The following FNDC1 variants were observed in gnomAD, a reference collection of about 807,000 sequenced individuals.
FNDC1 encodes fibronectin type III domain containing 1, also known as fibronectin type III domain-containing protein 1.
A neutral mutation model predicts 168.0 loss-of-function variants in FNDC1; 96 were observed. The observed-to-expected ratio is 0.57, with a 90% CI of 0.48 to 0.68. The LOEUF (loss-of-function observed/expected upper bound fraction) is 0.68, where lower values mean the gene tolerates loss of function less well. FNDC1 is among the 30% of genes least tolerant of loss of function. The probability of loss-of-function intolerance (pLI) is 0.00; values close to 1 mark genes in which losing one functional copy is unlikely to be tolerated. For missense variants in FNDC1, 2,587 were observed against 2,482.1 expected (o/e 1.04, Z -0.90); for synonymous variants, 1,099 against 1,025.9 (o/e 1.07, Z -1.36).
Position 159,232,182 on chromosome 6 carries a change from C to G in FNDC1, c.1670C>G (p.Ser557Ter), listed in dbSNP as rs1279812989. Residue 557 changes from serine to a stop codon, truncating the protein, a stop_gained, in exon 11 of 23, where the codon TCA becomes TGA. Transcript: ENST00000297267. LOFTEE classifies it high-confidence loss of function. The surrounding 1 kb of genome is among the most constrained non-coding windows in gnomAD (Gnocchi z 4.9). ...CGGGAGGACTCGCCCATGTCACCCT[C>G]AGACACCCAAGACCAGAAACGGACC... ...GSREDSPMSP[S>*]DTQDQKRTLR... is the part of the protein sequence containing the mutation. 3.1e-6 allele frequency: 5 copies of G among 1,613,698 alleles called. No individual in the cohort carries two copies. Among genetic ancestry groups the G allele is most frequent in the Non-Finnish European group, 4.2e-6 (5 of 1,179,854 alleles).
At position 159,256,632 on chromosome 6, in the gene FNDC1, G is replaced by A; in HGVS notation, c.5174+1G>A. ...TTGAGAACCTAAAGCCCAACACGAGGTACGATGTGTCAGTCATTTAGAAAA... is the reference window on the plus strand; with the variant it reads ...TTGAGAACCTAAAGCCCAACACGAGATACGATGTGTCAGTCATTTAGAAAA... On this transcript the variant is annotated splice_donor_variant, in intron 18 of 22. Coordinates refer to ENST00000297267, the MANE Select transcript of FNDC1 (RefSeq NM_032532.3). LOFTEE classifies it high-confidence loss of function. The A allele has an allele frequency of 6.2e-7, 1 of 1,601,362 alleles. No individual in the cohort carries two copies. Among genetic ancestry groups the A allele is most frequent in the Non-Finnish European group, 8.6e-7 (1 of 1,168,650 alleles).
rs147749166 is a variant in FNDC1, at chr6:159,184,318, T to C, written c.110-13113T>C. 2.6e-5 allele frequency among the ~76,000 whole-genome samples: 4 copies of C among 152,352 alleles called. 1 individual carries two copies. The highest frequency in any genetic ancestry group is 9.6e-5 in the African/African-American group (4 of 41,580). The stretch of plus-strand genomic sequence containing the variant: ...CACTAAGTAGGTGGTCAGCAAATGT[T>C]CCTTTCCTTTCTTTTTTACTTCCTT... On this transcript the variant is annotated intron_variant, in intron 1 of 22. Transcript: ENST00000297267.
intron 1 of FNDC1, among the ~76,000 whole-genome samples, chr6:159,172,829 T>C (rs913963153): frequency 1.3e-5 from 2 of 152,260 alleles, no homozygotes; most frequent in Non-Finnish European, 2.9e-5. Context: ...GTTGTCCAGC[T>C]ACACATCTGT....
intron 1 of FNDC1, among the ~76,000 whole-genome samples, chr6:159,189,549 T>C (rs1344139147): frequency 6.6e-6 from 1 of 152,180 alleles, no homozygotes; most frequent in Non-Finnish European, 1.5e-5. Context: ...AGCAGGACGC[T>C]TTGGATTCAC....
intron 1 of FNDC1, among the ~76,000 whole-genome samples, chr6:159,184,932 G>A (rs1384947145): frequency 2.6e-5 from 4 of 152,078 alleles, no homozygotes; most frequent in African/African-American, 9.7e-5. Flanking sequence ...GAAGGCATGA[G>A]CCCTTCCCAA....
At chr6:159,222,181 T>C (rs1782841967) in intron 6 of FNDC1, among the ~76,000 whole-genome samples, 1 of 152,220 alleles carries the variant, frequency 6.6e-6, no homozygotes, top group South Asian at 2.1e-4. Flanking sequence ...ACGGTTACAT[T>C]TCCCACGTCC....
chr6:159,234,341 C>G lies in FNDC1; in HGVS notation c.3829C>G (p.Pro1277Ala), dbSNP rs752637131. The change falls in exon 11 of 23, where the codon CCC becomes GCC. Residue 1277 changes from proline to alanine, a missense_variant. Transcript: ENST00000297267. ...ATVSPVAGTH[P>A]WPQYTTRAPP... The stretch of plus-strand genomic sequence containing the variant: ...CGTGAGCCCCGTCGCGGGCACCCAC[C>G]CCTGGCCGCAGTACACCACGCGCGC... The G allele has an allele frequency of 1.2e-6, 2 of 1,611,330 alleles. No individual in the cohort carries two copies. Among genetic ancestry groups the G allele is most frequent in the Non-Finnish European group, 1.7e-6 (2 of 1,178,912 alleles).
At chr6:159,213,287 C>T (rs1056874916) in intron 4 of FNDC1, among the ~76,000 whole-genome samples, 11 of 152,098 alleles carry the variant, frequency 7.2e-5, no homozygotes, top group African/African-American at 1.2e-4. Context: ...ACAGAGCCAC[C>T]GGCAGACACT....
In FNDC1 at chr6:159,232,676, C is replaced by T. The variant is rs767489430; in HGVS notation, c.2164C>T (p.Pro722Ser). The change falls in exon 11 of 23, where the codon CCC becomes TCC. Residue 722 changes from proline (P) to serine (S), a missense_variant. Coordinates refer to ENST00000297267, the MANE Select transcript of FNDC1 (RefSeq NM_032532.3). The surrounding 1 kb of genome is among the most constrained non-coding windows in gnomAD (Gnocchi z 4.9). ...AGCCCCACCCTCAAGACTTTCTCCA[C>T]CCCATGGGGGATCATCTCGGCTGCT... The part of the protein sequence containing the change: ...ASAPPSRLSP[P>S]HGGSSRLLPT... 3.3e-5 allele frequency: 54 copies of T among 1,613,862 alleles called. 1 individual carries two copies. The Middle Eastern group carries it at 1.8e-3, about 54-fold the overall frequency.
Position 159,271,538 on chromosome 6 carries a change from C to A in FNDC1, c.*96C>A. On this transcript the variant is annotated 3_prime_UTR_variant, in exon 23 of 23. Transcript: ENST00000297267. The stretch of plus-strand genomic sequence containing the variant: ...CAAAGACAGCCAGCGTGCTCAGCCC[C>A]GCTGCCCTAGGTGCCAGGAAGGTCA... The A allele has an allele frequency of 1.1e-6, 1 of 899,084 alleles. No individual in the cohort carries two copies. The highest frequency in any genetic ancestry group is 1.8e-6 in the Non-Finnish European group (1 of 561,060). 55.7% of individuals were successfully genotyped at this position (899,084 alleles called of 1,614,324 possible).
intron 6 of FNDC1, among the ~76,000 whole-genome samples, chr6:159,222,515 A>G (rs1782849868): frequency 6.6e-6 from 1 of 152,220 alleles, no homozygotes; most frequent in Non-Finnish European, 1.5e-5. Context: ...AAACGAAACA[A>G]AAAACTAAAA....
At chr6:159,252,556 G>T (rs773801132) in intron 17 of FNDC1, among the ~76,000 whole-genome samples, 3 of 152,196 alleles carry the variant, frequency 2.0e-5, no homozygotes, top group Non-Finnish European at 4.4e-5. Flanking sequence ...GATGCAGGGA[G>T]GGTTTGGGAT....
At chr6:159,175,234 T>C (rs1781738415) in intron 1 of FNDC1, among the ~76,000 whole-genome samples, 1 of 152,200 alleles carries the variant, frequency 6.6e-6, no homozygotes, top group Non-Finnish European at 1.5e-5. Context: ...TTTAAAGTGT[T>C]ACGGAGTTCA....
chr6:159,225,449 C>A, intron 7 of FNDC1, 86 bp from the exon 8 acceptor site: 1 of 1,073,678 alleles, frequency 9.3e-7, no homozygotes, highest in Admixed American at 2.5e-5. Context: ...CCAAAGTCAT[C>A]ACTTATGAGG....
chr6:159,205,080 T>C (rs1334795815), intron 4 of FNDC1, among the ~76,000 whole-genome samples: 2 of 152,176 alleles, frequency 1.3e-5, no homozygotes, highest in Non-Finnish European at 2.9e-5. Flanking sequence ...ATCAGTTTCT[T>C]GGAAAGCATG....
intron 1 of FNDC1, among the ~76,000 whole-genome samples, chr6:159,186,719 C>T (rs543493682): frequency 1.3e-5 from 2 of 152,324 alleles, no homozygotes; most frequent in South Asian, 4.1e-4. Context: ...AAAGTGCTCA[C>T]ACAGAAACGC....
intron 12 of FNDC1, among the ~76,000 whole-genome samples, chr6:159,237,227 T>C (rs1783281477): frequency 6.6e-6 from 1 of 152,268 alleles, no homozygotes; most frequent in South Asian, 2.1e-4. Context: ...ATAAATTTTA[T>C]TTTAATGCCA....
chr6:159,191,091 G>A (rs760668363), intron 1 of FNDC1, among the ~76,000 whole-genome samples: 1 of 152,178 alleles, frequency 6.6e-6, no homozygotes, highest in Non-Finnish European at 1.5e-5. Flanking sequence ...GAGCGAAAGG[G>A]GAGGTGCCAC....
At chr6:159,249,246 A>G (rs2115012957) in intron 16 of FNDC1, 64 bp downstream of exon 16, 4 of 1,464,172 alleles carry the variant, frequency 2.7e-6, no homozygotes, top group Non-Finnish European at 3.7e-6. Context: ...GAAGAAAAAC[A>G]TTACTAATCT....
Sources: gnomAD v4.1 joint callset for allele counts (sites outside exome capture counted in the v4.1 genomes callset) on GRCh38, gnomAD v4.1.1 for gene constraint, Gnocchi (gnomAD v3.1) non-coding constraint, MANE v1.5 for transcripts, NCBI Gene and HGNC (gene_info 2026-07-23, HGNC 2026-07-21) for gene names.